The following LRRK1 variants were observed in gnomAD, a reference collection of about 807,000 sequenced individuals.
LRRK1 encodes leucine-rich repeat serine/threonine-protein kinase 1.
Under a neutral mutation model 209.1 loss-of-function variants are expected in LRRK1, and 113 were observed. That is an observed-to-expected ratio of 0.54 (90% CI 0.46 to 0.63). The LOEUF is 0.63. Among genes scored for constraint, LRRK1 ranks in the 30% least tolerant of loss-of-function variants. The pLI is 0.00. For missense variants in LRRK1, 2,284 were observed against 2,632.2 expected, an observed-to-expected ratio of 0.87 and a Z score of 2.89; for synonymous variants, 1,144 against 1,099.7, an observed-to-expected ratio of 1.04 and a Z score of -0.80.
At position 100,989,238 on chromosome 15, in the gene LRRK1, T is replaced by A; in HGVS notation, c.614-12T>A. On this transcript the variant is annotated splice_polypyrimidine_tract_variant and intron_variant, in intron 5 of 33. Transcript: ENST00000388948. ...TCTGCATGCCCTTAGCTTTTTGGTT[T>A]TGTTCCTTTAGGGAATGAAGACATT... 6.2e-7 allele frequency: 1 copy of A among 1,612,414 alleles called. No homozygotes were observed. The highest frequency in any genetic ancestry group is 8.5e-7 in the Non-Finnish European group (1 of 1,178,750).
chr15:100,997,640 G>A (rs1382294020), intron 6 of LRRK1, among the ~76,000 whole-genome samples: 1 of 152,222 alleles, frequency 6.6e-6, no homozygotes, highest in East Asian at 1.9e-4. Context: ...ACATTTGGCA[G>A]AGCACAGAGC....
chr15:101,051,646 G>T, intron 23 of LRRK1, 65 bp from the exon 24 acceptor site: 1 of 1,426,210 alleles, frequency 7.0e-7, no homozygotes, highest in East Asian at 2.5e-5. Flanking sequence ...GGTGCAGAGT[G>T]CTGCTCGGGG....
At chr15:100,920,831 A>C (rs546702832) in intron 1 of LRRK1, among the ~76,000 whole-genome samples, 19 of 152,102 alleles carry the variant, frequency 1.2e-4, no homozygotes, top group Admixed American at 9.8e-4. Context: ...TCTCCTTGCA[A>C]CTGGCACGCA....
Position 100,989,404 on chromosome 15 carries a change from T to G in LRRK1, c.762+6T>G. 1 of 1,613,936 alleles carries G rather than the reference T, an allele frequency of 6.2e-7. No homozygotes were observed. Among genetic ancestry groups the G allele is most frequent in the Non-Finnish European group, 8.5e-7 (1 of 1,179,946 alleles). ...GCAGTTATCCGGGAAAAACAGTGAGTAGTCACTGCCTGTGGAGTGTGTTTT... is the reference window on the plus strand; with the variant it reads ...GCAGTTATCCGGGAAAAACAGTGAGGAGTCACTGCCTGTGGAGTGTGTTTT... On this transcript the variant is annotated splice_donor_region_variant and intron_variant, in intron 6 of 33. Coordinates refer to ENST00000388948, the MANE Select transcript of LRRK1 (RefSeq NM_024652.6).
chr15:101,042,789 C>A (rs1217367734), intron 20 of LRRK1, among the ~76,000 whole-genome samples: 1 of 152,238 alleles, frequency 6.6e-6, no homozygotes, highest in African/African-American at 2.4e-5. Context: ...CCTTCAAATT[C>A]TCACTTTTGA....
rs144551021 is a variant in LRRK1, at chr15:100,969,976, C to T, written c.98-3828C>T. 2.6e-5 allele frequency among the ~76,000 whole-genome samples: 4 copies of T among 152,096 alleles called. No individual in the cohort carries two copies. The East Asian group carries it at 5.8e-4, about 22-fold the overall frequency. On this transcript the variant is annotated intron_variant, in intron 2 of 33. Coordinates refer to ENST00000388948, the MANE Select transcript of LRRK1 (RefSeq NM_024652.6). ...CTACCTCAGCTCACTGCAACCTCTG[C>T]CTCCCAGGTTCAAGCGATTCTCCTG...
At chr15:101,057,578 G>T (rs558616464) in intron 28 of LRRK1, among the ~76,000 whole-genome samples, 1 of 152,326 alleles carries the variant, frequency 6.6e-6, no homozygotes, top group South Asian at 2.1e-4. Context: ...TCTGGGCATG[G>T]TGACATGGAC....
chr15:101,052,937 C>T lies in LRRK1; in HGVS notation c.3705C>T (p.Asn1235=), dbSNP rs757256515. 9.3e-6 allele frequency: 15 copies of T among 1,607,686 alleles called. No homozygotes were observed. Among genetic ancestry groups the T allele is most frequent in the Non-Finnish European group, 1.3e-5 (15 of 1,175,396 alleles). ...TDFPARLFLE[N]SKLEHSEDEG... ...TGTGTGGCAGGCTCTTCCTGGAGAA[C>T]AGCAAGCTGGAGCACAGCGAGGACG... Residue 1235 remains asparagine (N), a synonymous_variant, in exon 25 of 34, where the codon AAC becomes AAT. Coordinates refer to ENST00000388948, the MANE Select transcript of LRRK1 (RefSeq NM_024652.6).
intron 2 of LRRK1, among the ~76,000 whole-genome samples, chr15:100,948,710 A>G (rs912291161): frequency 6.6e-5 from 10 of 152,372 alleles, no homozygotes; most frequent in South Asian, 4.1e-4. Context: ...TTAGAAATCA[A>G]TAACAGAAAG....
chr15:100,965,568 C>G (rs1243439220), intron 2 of LRRK1, among the ~76,000 whole-genome samples: 3 of 152,194 alleles, frequency 2.0e-5, no homozygotes, highest in Non-Finnish European at 4.4e-5. Flanking sequence ...TTCTTGTCAT[C>G]TTGAATGGCT....
intron 1 of LRRK1, among the ~76,000 whole-genome samples, chr15:100,924,126 C>A (rs1289147686): frequency 6.6e-6 from 1 of 152,232 alleles, no homozygotes; most frequent in Non-Finnish European, 1.5e-5. Flanking sequence ...TCTGCCCTAC[C>A]CCCACTGGAG....
chr15:100,926,604 G>T (rs2042115942), intron 2 of LRRK1, among the ~76,000 whole-genome samples: 1 of 150,548 alleles, frequency 6.6e-6, no homozygotes, highest in African/African-American at 2.5e-5. Flanking sequence ...GGGGCAGGGG[G>T]GCGGGGAGTG....
intron 2 of LRRK1, among the ~76,000 whole-genome samples, chr15:100,966,814 A>G (rs548142471): frequency 1.3e-5 from 2 of 152,278 alleles, no homozygotes; most frequent in South Asian, 2.1e-4. Flanking sequence ...TTCTTATTAC[A>G]TCATTTACTC....
rs376455492 is a variant in LRRK1 at position 101,073,231 on chromosome 15, C to G, written c.*4383C>G. ...TTTTCTGGTAGAGATAAAGGAGACA[C>G]GTTTTATCCGTGGACCCAAAACTCC... On this transcript the variant is annotated 3_prime_UTR_variant, in exon 34 of 34. Coordinates refer to ENST00000388948, the MANE Select transcript of LRRK1 (RefSeq NM_024652.6). 3.3e-5 allele frequency: 5 copies of G among 152,368 alleles called. No individual in the cohort carries two copies. In the East Asian group the frequency reaches 9.6e-4, roughly 29 times the overall value. The allele number at this position is 152,368 out of a possible 1,614,324, so 9.4% of individuals were successfully genotyped here. A position where few individuals can be genotyped will look rare whatever the true frequency, so the allele number is the denominator to read the frequency against.
chr15:100,933,821 C>CAAAAAAAAAAAAA (rs67129854), intron 2 of LRRK1, among the ~76,000 whole-genome samples: 1 of 42,832 alleles, frequency 2.3e-5, no homozygotes, highest in African/African-American at 9.3e-5. Flanking sequence ...GACTCCATCT[C>CAAAAAAAAAAAAA]AAAAAAAAAA....
chr15:101,049,534 A>T, intron 22 of LRRK1, 110 bp from the exon 23 acceptor site: 2 of 1,264,528 alleles, frequency 1.6e-6, no homozygotes, highest in East Asian at 2.3e-5. Flanking sequence ...CAGGGCACAG[A>T]GTCTCTCCAG....
At chr15:101,015,445 G>A (rs759430515) in intron 12 of LRRK1, 43 bp downstream of exon 12, 16 of 1,471,148 alleles carry the variant, frequency 1.1e-5, no homozygotes, top group East Asian at 4.7e-5. Context: ...TGAGACAGCC[G>A]GGGTAGCCTG....
intron 22 of LRRK1, 116 bp downstream of exon 22, chr15:101,048,773 G>A (rs895799077): frequency 1.1e-4 from 84 of 773,604 alleles, no homozygotes; most frequent in Admixed American, 4.0e-4. Flanking sequence ...TCGTGAGAGC[G>A]GCTCGTCATG....
chr15:100,973,842 G>C lies in LRRK1; in HGVS notation c.136G>C (p.Gly46Arg). 2 of 1,294,478 alleles carry C rather than the reference G, an allele frequency of 1.5e-6. No individual in the cohort carries two copies. Among genetic ancestry groups the C allele is most frequent in the Non-Finnish European group, 2.0e-6 (2 of 1,017,382 alleles). 80.2% of individuals were successfully genotyped at this position (1,294,478 alleles called of 1,614,324 possible). The part of the protein sequence containing the change: ...DTGGKPSTRG[G>R]DPAARSRRTE... ...GGGCGGCAAGCCGTCCACGCGGGGC[G>C]GTGACCCTGCAGCGCGGTCCCGCAG... The change falls in exon 3 of 34, where the codon GGT becomes CGT. Residue 46 changes from glycine to arginine, a missense_variant. Gly to Arg is a moderately radical substitution (Grantham distance 125). Transcript: ENST00000388948.
Sources: allele counts gnomAD v4.1 joint callset (sites outside exome capture counted in the v4.1 genomes callset), GRCh38; gene constraint gnomAD v4.1.1; transcripts MANE v1.5; gene names NCBI Gene and HGNC (gene_info 2026-07-23, HGNC 2026-07-21).